The following POLH variants were observed in gnomAD, a reference collection of about 807,000 sequenced individuals.
POLH encodes DNA polymerase eta, also known as DNA polymerase eta transcript.
In POLH, 53 loss-of-function variants were observed where a neutral mutation model predicts 73.6. The ratio of observed to expected loss-of-function variants is 0.72; its 90% CI spans 0.58 to 0.91. The LOEUF is 0.91. Among genes scored for constraint, POLH ranks in the 40% least tolerant of loss-of-function variants. The pLI, the probability that POLH is intolerant of heterozygous loss-of-function variation, is 0.00. For synonymous variants in POLH, 292 were observed against 308.5 expected (o/e 0.95, Z 0.56); for missense variants, 768 against 865.4 (o/e 0.89, Z 1.41).
intron 1 of POLH, chr6:43,578,505 CA>C: frequency 2.8e-6 from 1 of 351,750 alleles, no homozygotes; most frequent in Non-Finnish European, 5.5e-6. Flanking sequence ...GGCGGGGGGA[CA>C]AGAGCGAGAC....
rs1430374606 is a variant in POLH at position 43,582,362 on chromosome 6, G to T, written c.43G>T (p.Asp15Tyr). 3 of 1,614,124 alleles carry T rather than the reference G, an allele frequency of 1.9e-6. No individual in the cohort carries two copies. In the Admixed American group the frequency reaches 5.0e-5, roughly 27 times the overall value. ...QDRVVALVDM[D>Y]CFFVQVEQRQ... ...TCGAGTGGTTGCTCTCGTGGACATG[G>T]ACTGTTTTTTTGTTCAAGTGGAGCA... Residue 15 changes from aspartate (D) to tyrosine (Y), a missense_variant, in exon 2 of 11, where the codon GAC becomes TAC. Coordinates refer to ENST00000372236, the MANE Select transcript of POLH (RefSeq NM_006502.3).
Position 43,617,270 on chromosome 6 carries a change from T to A in POLH, c.*2713T>A, listed in dbSNP as rs375493465. 6.6e-6 allele frequency among the ~76,000 whole-genome samples: 1 copy of A among 152,212 alleles called. No homozygotes were observed. Among genetic ancestry groups the A allele is most frequent in the Non-Finnish European group, 1.5e-5 (1 of 68,042 alleles). ...AGCAGCCTCAGTATCACCAGGGAAC[T>A]TATTAGAAATAGTCTCAGCCTCACC... On this transcript the variant is annotated 3_prime_UTR_variant, in exon 11 of 11. Coordinates refer to ENST00000372236, the MANE Select transcript of POLH (RefSeq NM_006502.3).
At chr6:43,579,356 A>T (rs780619681) in intron 1 of POLH, among the ~76,000 whole-genome samples, 14 of 152,128 alleles carry the variant, frequency 9.2e-5, no homozygotes, top group Admixed American at 8.5e-4. Flanking sequence ...TTAGTATTAG[A>T]TCATATCTTT....
rs1174089646 is a variant in POLH, at chr6:43,617,851, C to T, written c.*3294C>T. 2.6e-5 allele frequency among the ~76,000 whole-genome samples: 4 copies of T among 151,830 alleles called. No individual in the cohort carries two copies. The highest frequency in any genetic ancestry group is 2.1e-4 in the South Asian group (1 of 4,822). On this transcript the variant is annotated 3_prime_UTR_variant, in exon 11 of 11. Transcript: ENST00000372236. ...CAGAAGAATTGCTTGACCTGGGAGG[C>T]GGAGCTTGCAGTGAGCCCAGATCGT...
chr6:43,585,963 A>C (rs1764781912), intron 3 of POLH, among the ~76,000 whole-genome samples: 1 of 151,228 alleles, frequency 6.6e-6, no homozygotes, highest in Non-Finnish European at 1.5e-5. Flanking sequence ...ATTTTCTTTG[A>C]GGCCTATCCT....
At chr6:43,585,412 G>A (rs1344255548) in intron 3 of POLH, among the ~76,000 whole-genome samples, 3 of 152,046 alleles carry the variant, frequency 2.0e-5, no homozygotes, top group African/African-American at 7.2e-5. Context: ...TTGAGGGGGT[G>A]GGGCCAAAAG....
intron 4 of POLH, among the ~76,000 whole-genome samples, chr6:43,587,705 AG>A (rs1561900447): frequency 6.6e-6 from 1 of 152,212 alleles, no homozygotes; most frequent in African/African-American, 2.4e-5. Flanking sequence ...ATTTCTCTTT[AG>A]ATATAACTAG....
At chr6:43,611,551 A>C (rs553637258) in intron 10 of POLH, among the ~76,000 whole-genome samples, 82 of 152,316 alleles carry the variant, frequency 5.4e-4, no homozygotes, top group African/African-American at 1.9e-3. Flanking sequence ...TTAATTGCAT[A>C]TTTAATAAAG....
chr6:43,589,369 C>G (rs1267724523), intron 4 of POLH, among the ~76,000 whole-genome samples: 1 of 152,110 alleles, frequency 6.6e-6, no homozygotes, highest in East Asian at 1.9e-4. Flanking sequence ...CCTGTTTCCC[C>G]CATATTCTCA....
At position 43,587,465 on chromosome 6, in the gene POLH, A is replaced by G. The variant is rs144449059; in HGVS notation, c.466A>G (p.Thr156Ala). The G allele has an allele frequency of 1.2e-5, 20 of 1,613,820 alleles. No individual in the cohort carries two copies. Among genetic ancestry groups the G allele is most frequent in the Non-Finnish European group, 1.6e-5 (19 of 1,179,676 alleles). The change falls in exon 4 of 11, where the codon ACG (threonine) becomes GCG (alanine). Residue 156 changes from threonine to alanine, a missense_variant. Physicochemically the swap from Thr to Ala is moderately conservative, Grantham distance 58 (BLOSUM62 0). Transcript: ENST00000372236. Reference protein sequence around the residue: ...YIEGLPQGPTTAEETVQKEGM... With the variant: ...YIEGLPQGPTAAEETVQKEGM... ...TGAAGGGTTGCCCCAAGGCCCTACA[A>G]CGGCAGAAGAGACTGTTCAGAAAGG...
intron 1 of POLH, among the ~76,000 whole-genome samples, chr6:43,581,779 C>T (rs1011468897): frequency 6.7e-6 from 1 of 150,238 alleles, no homozygotes; most frequent in African/African-American, 2.4e-5. Flanking sequence ...CGCACTGCCC[C>T]GGGCCGCAGC....
chr6:43,593,392 G>T (rs1375919230), intron 4 of POLH, among the ~76,000 whole-genome samples: 1 of 152,106 alleles, frequency 6.6e-6, no homozygotes, highest in Non-Finnish European at 1.5e-5. Context: ...CTTTGAAAAA[G>T]AACTAAGTTG....
chr6:43,582,369 T>C lies in POLH; in HGVS notation c.50T>C (p.Phe17Ser), dbSNP rs551454266. ...GTTGCTCTCGTGGACATGGACTGTT[T>C]TTTTGTTCAAGTGGAGCAGCGGCAA... is the stretch of plus-strand genomic sequence containing the variant. ...RVVALVDMDC[F>S]FVQVEQRQNP... The change falls in exon 2 of 11, where the codon TTT becomes TCT. Residue 17 changes from phenylalanine (F) to serine (S), a missense_variant. By Grantham distance (155) the Phe-to-Ser change is radical (BLOSUM62 -2). Transcript: ENST00000372236. 23 of 1,614,180 alleles carry C rather than the reference T, an allele frequency of 1.4e-5. No homozygotes were observed. The South Asian group carries it at 2.5e-4, about 18-fold the overall frequency.
chr6:43,589,741 T>C (rs1765233595), intron 4 of POLH, among the ~76,000 whole-genome samples: 1 of 151,742 alleles, frequency 6.6e-6, no homozygotes, highest in Non-Finnish European at 1.5e-5. Flanking sequence ...CACTGCAGCC[T>C]TGAACTCCTG....
In POLH at chr6:43,619,534, C is replaced by G. The variant is rs1310063672; in HGVS notation, c.*4977C>G. On this transcript the variant is annotated 3_prime_UTR_variant, in exon 11 of 11. Transcript: ENST00000372236. Reference sequence around the variant, plus strand: ...ATGTATATAGTGAAGAATTTTAGATCTGATTACCACAATTGGGATCATAAA... The same window carrying G: ...ATGTATATAGTGAAGAATTTTAGATGTGATTACCACAATTGGGATCATAAA... Among the ~76,000 whole-genome samples, 2 of 152,076 alleles carry G rather than the reference C, an allele frequency of 1.3e-5. No individual in the cohort carries two copies. The highest frequency in any genetic ancestry group is 2.1e-4 in the South Asian group (1 of 4,822).
In POLH at chr6:43,619,343, T is replaced by TG. The variant is rs1221335296; in HGVS notation, c.*4787dup. Among the ~76,000 whole-genome samples, 10 of 120,696 alleles carry TG rather than the reference T, an allele frequency of 8.3e-5. No individual in the cohort carries two copies. Among genetic ancestry groups the TG allele is most frequent in the Non-Finnish European group, 1.6e-4 (10 of 63,432 alleles). The allele number at this position is 120,696 out of a possible 152,430, so 79.2% of individuals were successfully genotyped here. ...TTGTGCCGCTGCACTCCAGCCTGGG[T>TG]GACAGTCTGAGACCCTGTCTCAAAA... is the stretch of plus-strand genomic sequence containing the variant. On this transcript the variant is annotated 3_prime_UTR_variant, in exon 11 of 11. Coordinates refer to ENST00000372236, the MANE Select transcript of POLH (RefSeq NM_006502.3).
intron 1 of POLH, among the ~76,000 whole-genome samples, chr6:43,580,950 C>G (rs1356699732): frequency 2.0e-5 from 3 of 149,604 alleles, no homozygotes; most frequent in Non-Finnish European, 3.0e-5. Flanking sequence ...GCTGACCCCC[C>G]CACCTCCCTC....
At chr6:43,587,179 A>G in intron 3 of POLH, 93 bp from the exon 4 acceptor site, 2 of 920,500 alleles carry the variant, frequency 2.2e-6, no homozygotes, top group Non-Finnish European at 3.7e-6. Flanking sequence ...GATTACGTGT[A>G]TTATTGTTCA....
At chr6:43,582,733 G>T (rs1416502787) in intron 2 of POLH, among the ~76,000 whole-genome samples, 1 of 152,098 alleles carries the variant, frequency 6.6e-6, no homozygotes, top group Admixed American at 6.5e-5. Flanking sequence ...TTGGTTGGGG[G>T]GGCAGGGCTC....
Sources: gnomAD v4.1 joint callset for allele counts (sites outside exome capture counted in the v4.1 genomes callset) on GRCh38, gnomAD v4.1.1 for gene constraint, MANE v1.5 for transcripts, NCBI Gene and HGNC (gene_info 2026-07-23, HGNC 2026-07-21) for gene names.